The following ELAVL3 variants were observed in gnomAD, a reference collection of about 807,000 sequenced individuals.
The protein encoded by ELAVL3 is ELAV like RNA binding protein 3, also known as ELAV-like protein 3.
In ELAVL3, 8 loss-of-function variants were observed where a neutral mutation model predicts 34.2. The ratio of observed to expected loss-of-function variants is 0.23; its 90% CI spans 0.14 to 0.42. The LOEUF (loss-of-function observed/expected upper bound fraction) is 0.42. ELAVL3 is among the 10% of genes least tolerant of loss of function. ELAVL3 has a pLI of 1.00. For missense variants in ELAVL3, 273 were observed against 518.8 expected (o/e 0.53, Z 4.60); for synonymous variants, 209 against 222.1 (o/e 0.94, Z 0.53).
At chr19:11,469,084 T>C (rs1227017957) in intron 1 of ELAVL3, among the ~76,000 whole-genome samples, 1 of 152,024 alleles carries the variant, frequency 6.6e-6, no homozygotes, top group Non-Finnish European at 1.5e-5. Flanking sequence ...CAAGCCTGGC[T>C]ACTTTTTTTT....
Position 11,480,682 on chromosome 19 carries a change from A to T in ELAVL3, c.-74T>A, listed in dbSNP as rs1599555888. The T allele has an allele frequency of 8.3e-6, 11 of 1,319,928 alleles. No individual in the cohort carries two copies. Among genetic ancestry groups the T allele is most frequent in the Non-Finnish European group, 1.1e-5 (11 of 1,014,820 alleles). The allele number at this position is 1,319,928 out of a possible 1,614,324, so 81.8% of individuals were successfully genotyped here. The stretch of plus-strand genomic sequence containing the variant: ...TGGTGCACTCCTAGGGGGGCGCCCG[A>T]TGCTCACGCTGGGGTCCCGCCCGGG... On this transcript the variant is annotated 5_prime_UTR_variant, in exon 1 of 7. Transcript: ENST00000359227. The surrounding 1 kb of genome is among the most constrained non-coding windows in gnomAD (Gnocchi z 6.8).
chr19:11,454,426 C>T lies in ELAVL3; in HGVS notation c.*100G>A. On this transcript the variant is annotated 3_prime_UTR_variant, in exon 7 of 7. Transcript: ENST00000359227. This position sits in a 1 kb window ranked among gnomAD's most constrained non-coding sequence, Gnocchi z 9.2. ...GCCCTCGCGTCGTCCGTGGGGCTGC[C>T]TGTGCTGTCTCTCTTGGGCCCCTTC... 3 of 1,201,050 alleles carry T rather than the reference C, an allele frequency of 2.5e-6. No individual in the cohort carries two copies. The highest frequency in any genetic ancestry group is 3.4e-6 in the Non-Finnish European group (3 of 881,818). The allele number at this position is 1,201,050 out of a possible 1,614,324, so 74.4% of individuals were successfully genotyped here.
chr19:11,480,571 T>C lies in ELAVL3; in HGVS notation c.9+29A>G, dbSNP rs762028591. 1.4e-6 allele frequency: 2 copies of C among 1,471,030 alleles called. No homozygotes were observed. Among genetic ancestry groups the C allele is most frequent in the East Asian group, 2.9e-5 (1 of 34,202 alleles). The allele number at this position is 1,471,030 out of a possible 1,614,324, so 91.1% of individuals were successfully genotyped here. ...TGGGCCCAACTCCTCCCCGTCCCGA[T>C]TCCCTTTCGGCGACAGGGGAATACC... is the stretch of plus-strand genomic sequence containing the variant. On this transcript the variant is annotated intron_variant, in intron 1 of 6. Transcript: ENST00000359227. This position sits in a 1 kb window ranked among gnomAD's most constrained non-coding sequence, Gnocchi z 6.8.
chr19:11,480,774 G>A lies in ELAVL3; in HGVS notation c.-166C>T. ...GCGGCTCCCTCGAGGGCCAGGGACG[G>A]GCCCGAACCCGGGGATGCGCGCGCG... On this transcript the variant is annotated 5_prime_UTR_variant, in exon 1 of 7. Coordinates refer to ENST00000359227, the MANE Select transcript of ELAVL3 (RefSeq NM_001420.4). The surrounding 1 kb of genome is among the most constrained non-coding windows in gnomAD (Gnocchi z 6.8). The A allele has an allele frequency of 1.7e-6, 1 of 572,884 alleles. No individual in the cohort carries two copies. The highest frequency in any genetic ancestry group is 2.6e-6 in the Non-Finnish European group (1 of 380,028). The allele number at this position is 572,884 out of a possible 1,614,324, so 35.5% of individuals were successfully genotyped here. A position where few individuals can be genotyped will look rare whatever the true frequency, so the allele number is the denominator to read the frequency against.
rs1482553321 is a variant in ELAVL3, at chr19:11,454,392, G to A, written c.*134C>T. 7 of 884,834 alleles carry A rather than the reference G, an allele frequency of 7.9e-6. No individual in the cohort carries two copies. The highest frequency in any genetic ancestry group is 1.2e-5 in the Non-Finnish European group (7 of 596,648). The allele number at this position is 884,834 out of a possible 1,614,324, so 54.8% of individuals were successfully genotyped here. The stretch of plus-strand genomic sequence containing the variant: ...AGTGCTCACCCTGTGGCTTCCGCAG[G>A]GACGTGGGGCCCTCGCGTCGTCCGT... On this transcript the variant is annotated 3_prime_UTR_variant, in exon 7 of 7. Transcript: ENST00000359227. The surrounding 1 kb of genome is among the most constrained non-coding windows in gnomAD (Gnocchi z 9.2).
At chr19:11,473,724 A>T (rs1971211229) in intron 1 of ELAVL3, among the ~76,000 whole-genome samples, 1 of 152,224 alleles carries the variant, frequency 6.6e-6, no homozygotes, top group Non-Finnish European at 1.5e-5. Flanking sequence ...TAAATGGTGG[A>T]ACAGGGATTT....
Position 11,454,705 on chromosome 19 carries a change from C to T in ELAVL3, c.925G>A (p.Ala309Thr). 1 of 1,614,176 alleles carries T rather than the reference C, an allele frequency of 6.2e-7. No individual in the cohort carries two copies. The change falls in exon 7 of 7, where the codon GCA (alanine) becomes ACA (threonine). Residue 309 changes from alanine (A) to threonine (T), a missense_variant. By Grantham distance (58) the Ala-to-Thr change is moderately conservative (BLOSUM62 0). This residue lies in a region of ELAVL3 where 52 missense variants were observed against 119.6 expected (regional missense o/e 0.43). Coordinates refer to ENST00000359227, the MANE Select transcript of ELAVL3 (RefSeq NM_001420.4). The surrounding 1 kb of genome is among the most constrained non-coding windows in gnomAD (Gnocchi z 9.2). ...VLWQLFGPFG[A>T]VTNVKVIRDF... ...CGGATGACCTTGACGTTGGTGACTG[C>T]CCCAAAAGGCCCGAACAGCTGCCAC... is the stretch of plus-strand genomic sequence containing the variant.
Position 11,480,064 on chromosome 19 carries a change from G to C in ELAVL3, c.9+536C>G, listed in dbSNP as rs1024855415. Among the ~76,000 whole-genome samples the C allele has an allele frequency of 6.6e-6, 1 of 151,742 alleles. No homozygotes were observed. The highest frequency in any genetic ancestry group is 1.5e-5 in the Non-Finnish European group (1 of 67,840). ...CGGCGGGCCCGCGGGGCCTCCGGGC[G>C]CGCCCCCTCCTCTCCCCTCCCCGCT... On this transcript the variant is annotated intron_variant, in intron 1 of 6. Coordinates refer to ENST00000359227, the MANE Select transcript of ELAVL3 (RefSeq NM_001420.4). This position sits in a 1 kb window ranked among gnomAD's most constrained non-coding sequence, Gnocchi z 6.8.
intron 1 of ELAVL3, among the ~76,000 whole-genome samples, chr19:11,476,714 C>T (rs2144914903): frequency 6.6e-6 from 1 of 152,140 alleles, no homozygotes; most frequent in South Asian, 2.1e-4. Flanking sequence ...GCCTGGCCAA[C>T]ACAGCGAACT....
At chr19:11,465,986 T>C (rs1227674851) in intron 3 of ELAVL3, among the ~76,000 whole-genome samples, 186 bp downstream of exon 3, 1 of 151,784 alleles carries the variant, frequency 6.6e-6, no homozygotes, top group Non-Finnish European at 1.5e-5. Flanking sequence ...AACTGAGGTT[T>C]AGAGAGGGAA....
chr19:11,479,573 A>T (rs1158943638), intron 1 of ELAVL3, among the ~76,000 whole-genome samples: 5 of 151,630 alleles, frequency 3.3e-5, no homozygotes. Context: ...ATAACTGGCC[A>T]GCCCCGCCCC....
chr19:11,463,651 T>C (rs1970938081), intron 3 of ELAVL3, among the ~76,000 whole-genome samples: 1 of 152,040 alleles, frequency 6.6e-6, no homozygotes, highest in South Asian at 2.1e-4. Flanking sequence ...GGAGTCACAG[T>C]GTCACATGCA....
chr19:11,479,329 G>C (rs1971323374), intron 1 of ELAVL3, among the ~76,000 whole-genome samples: 1 of 152,076 alleles, frequency 6.6e-6, no homozygotes, highest in East Asian at 1.9e-4. Context: ...GGGTCCAGGA[G>C]GGGAGAGGCT....
At position 11,458,641 on chromosome 19, in the gene ELAVL3, G is replaced by A. The variant is rs757609567; in HGVS notation, c.334-30C>T. 6.2e-6 allele frequency: 10 copies of A among 1,611,048 alleles called. No individual in the cohort carries two copies. Among genetic ancestry groups the A allele is most frequent in the Non-Finnish European group, 7.6e-6 (9 of 1,179,402 alleles). ...GTGAGGGGGTCAGATGGACAGGGGT[G>A]AGGCAGAGACCCATTTCACAGATGG... On this transcript the variant is annotated intron_variant, in intron 3 of 6. Coordinates refer to ENST00000359227, the MANE Select transcript of ELAVL3 (RefSeq NM_001420.4). This position sits in a 1 kb window ranked among gnomAD's most constrained non-coding sequence, Gnocchi z 7.3.
intron 1 of ELAVL3, among the ~76,000 whole-genome samples, chr19:11,467,377 G>T (rs1971076073): frequency 6.6e-6 from 1 of 151,958 alleles, no homozygotes; most frequent in African/African-American, 2.4e-5. Flanking sequence ...AGCCGAGATT[G>T]CGCCATTGCA....
Position 11,454,473 on chromosome 19 carries a change from C to T in ELAVL3, c.*53G>A. Reference sequence around the variant, plus strand: ...CTTCTCTCTCTCTCTCTCTCTTTCTCTCTCTCTCTCTCTGCTGCCCGGGGA... The same window carrying T: ...CTTCTCTCTCTCTCTCTCTCTTTCTTTCTCTCTCTCTCTGCTGCCCGGGGA... On this transcript the variant is annotated 3_prime_UTR_variant, in exon 7 of 7. Transcript: ENST00000359227. This position sits in a 1 kb window ranked among gnomAD's most constrained non-coding sequence, Gnocchi z 9.2. The T allele has an allele frequency of 6.3e-6, 7 of 1,106,340 alleles. No homozygotes were observed. Among genetic ancestry groups the T allele is most frequent in the Non-Finnish European group, 8.4e-6 (7 of 832,230 alleles). 68.5% of individuals were successfully genotyped at this position (1,106,340 alleles called of 1,614,324 possible). A position where few individuals can be genotyped will look rare whatever the true frequency, so the allele number is the denominator to read the frequency against.
At chr19:11,459,565 C>A (rs1009674260) in intron 3 of ELAVL3, among the ~76,000 whole-genome samples, 48 of 151,292 alleles carry the variant, frequency 3.2e-4, no homozygotes, top group Non-Finnish European at 2.9e-5. Flanking sequence ...CCTCCCCCGG[C>A]CTCAGCTAAT....
In ELAVL3 at chr19:11,451,801, TG is replaced by T. The variant is rs140160574; in HGVS notation, c.*2724del. 150 of 129,594 alleles carry T rather than the reference TG, an allele frequency of 1.2e-3. No homozygotes were observed. The highest frequency in any genetic ancestry group is 3.4e-3 in the East Asian group (15 of 4,404). The allele number at this position is 129,594 out of a possible 1,614,324, so 8.0% of individuals were successfully genotyped here. A position where few individuals can be genotyped will look rare whatever the true frequency, so the allele number is the denominator to read the frequency against. Reference sequence around the variant, plus strand: ...GGGGTGGCAGGGGCCTAGGCCTCGGTGGGGGGGGGGTGTGTGGGGAGGTGCC... The same window carrying T: ...GGGGTGGCAGGGGCCTAGGCCTCGGTGGGGGGGGGTGTGTGGGGAGGTGCC... On this transcript the variant is annotated 3_prime_UTR_variant, in exon 7 of 7. Coordinates refer to ENST00000359227, the MANE Select transcript of ELAVL3 (RefSeq NM_001420.4).
At chr19:11,474,719 G>A (rs559380032) in intron 1 of ELAVL3, among the ~76,000 whole-genome samples, 2 of 152,112 alleles carry the variant, frequency 1.3e-5, no homozygotes, top group Non-Finnish European at 2.9e-5. Flanking sequence ...AGGTGCAATC[G>A]TAGTGCACTG....
Sources: allele counts gnomAD v4.1 joint callset (sites outside exome capture counted in the v4.1 genomes callset), GRCh38; gene constraint gnomAD v4.1.1; regional missense constraint gnomAD v4.1.1; non-coding constraint Gnocchi (gnomAD v3.1); transcripts MANE v1.5; gene names NCBI Gene and HGNC (gene_info 2026-07-23, HGNC 2026-07-21).